The following WDR75 variants were observed in gnomAD, a reference collection of about 807,000 sequenced individuals.
WDR75 encodes WD repeat domain 75, also known as WD repeat-containing protein 75.
In WDR75, 52 loss-of-function variants were observed where a neutral mutation model predicts 106.1. The ratio of observed to expected loss-of-function variants is 0.49; its 90% CI spans 0.39 to 0.62. WDR75 has a LOEUF of 0.62. Ranked by LOEUF, WDR75 falls within the 20% of genes least tolerant of loss-of-function variation. The pLI, the probability that WDR75 is intolerant of heterozygous loss-of-function variation, is 0.00. For missense variants in WDR75, 905 were observed against 970.3 expected (o/e 0.93, Z 0.89); for synonymous variants, 333 against 335.5 (o/e 0.99, Z 0.08).
intron 17 of WDR75, 98 bp downstream of exon 17, chr2:189,470,343 C>T: frequency 5.3e-6 from 7 of 1,332,662 alleles, no homozygotes; most frequent in Non-Finnish European, 7.2e-6. Flanking sequence ...GGTGAAACAG[C>T]TTCATTAAAG....
At chr2:189,468,637 TTTAGGAC>T in intron 15 of WDR75, 68 bp downstream of exon 15, 1 of 1,513,058 alleles carries the variant, frequency 6.6e-7, no homozygotes, top group East Asian at 2.3e-5. Context: ...ACTTTGGCAT[TTTAGGAC>T]TTAGGGATCA....
chr2:189,447,260 G>T (rs554471957), intron 1 of WDR75, among the ~76,000 whole-genome samples: 15 of 152,312 alleles, frequency 9.8e-5, no homozygotes, highest in Admixed American at 5.9e-4. Flanking sequence ...TGATAATATC[G>T]TGAAAGTAGT....
chr2:189,472,846 T>A (rs1053779624), intron 18 of WDR75, among the ~76,000 whole-genome samples: 1 of 152,156 alleles, frequency 6.6e-6, no homozygotes, highest in African/African-American at 2.4e-5. Flanking sequence ...GCCTTACTGA[T>A]AACAGTTATT....
Position 189,466,553 on chromosome 2 carries a change from G to A in WDR75, c.1418G>A (p.Trp473Ter). 1 of 1,612,792 alleles carries A rather than the reference G, an allele frequency of 6.2e-7. No homozygotes were observed. The highest frequency in any genetic ancestry group is 8.5e-7 in the Non-Finnish European group (1 of 1,179,226). The change falls in exon 13 of 21, where the codon TGG (tryptophan) becomes TAG (stop). Residue 473 changes from tryptophan to a stop codon, truncating the protein, a stop_gained. Coordinates refer to ENST00000314761, the MANE Select transcript of WDR75 (RefSeq NM_032168.3). LOFTEE classifies it high-confidence loss of function. ...AGCAAAGATGGTTACTTCAAAGTAT[G>A]GATATTAACAGATGACTCTGACATA... ...TASKDGYFKV[W>*]ILTDDSDIYK...
intron 19 of WDR75, 121 bp downstream of exon 19, chr2:189,474,453 A>G (rs902378276): frequency 8.4e-7 from 1 of 1,188,608 alleles, no homozygotes; most frequent in African/African-American, 1.5e-5. Context: ...CAAACTAAAT[A>G]ACTAACAACA....
In WDR75 at chr2:189,465,161, G is replaced by A. The variant is rs1294453887; in HGVS notation, c.1196G>A (p.Gly399Asp). ...ELTKAAFGCF[G>D]NWLATVEQRQ... The stretch of plus-strand genomic sequence containing the variant: ...ACAAAGGCTGCATTTGGCTGCTTTG[G>A]TAACTGGCTTGCAACAGTGGAACAG... The change falls in exon 12 of 21, where the codon GGT (glycine) becomes GAT (aspartate). Residue 399 changes from glycine (G) to aspartate (D), a missense_variant. By Grantham distance (94) the Gly-to-Asp change is moderately conservative. Coordinates refer to ENST00000314761, the MANE Select transcript of WDR75 (RefSeq NM_032168.3). 1 of 1,613,182 alleles carries A rather than the reference G, an allele frequency of 6.2e-7. No homozygotes were observed. Among genetic ancestry groups the A allele is most frequent in the East Asian group, 2.2e-5 (1 of 44,844 alleles).
At chr2:189,450,286 A>G (rs1273325355) in intron 2 of WDR75, 4 of 985,526 alleles carry the variant, frequency 4.1e-6, no homozygotes, top group Non-Finnish European at 4.8e-6. Context: ...AGTTTGGCTA[A>G]TAAAACTGAG....
At chr2:189,448,734 C>G (rs967019384) in intron 2 of WDR75, 5 of 638,508 alleles carry the variant, frequency 7.8e-6, no homozygotes, top group Admixed American at 2.1e-5. Context: ...ATATTCTTGG[C>G]TGTATGAGTT....
chr2:189,468,345 T>C (rs1471537634), intron 14 of WDR75, 130 bp from the exon 15 acceptor site: 4 of 751,726 alleles, frequency 5.3e-6, no homozygotes, highest in African/African-American at 1.8e-5. Flanking sequence ...TTCAGGATAA[T>C]TATAAACAAA....
intron 6 of WDR75, among the ~76,000 whole-genome samples, chr2:189,457,647 G>A (rs1686767619): frequency 6.6e-6 from 1 of 152,178 alleles, no homozygotes; most frequent in African/African-American, 2.4e-5. Flanking sequence ...GTTGGATGTA[G>A]TTTGACAGGG....
intron 11 of WDR75, among the ~76,000 whole-genome samples, chr2:189,464,391 T>C (rs932682672): frequency 6.6e-6 from 1 of 152,144 alleles, no homozygotes; most frequent in African/African-American, 2.4e-5. Context: ...ATAAGTCCAA[T>C]CCAGATGTCC....
At chr2:189,472,184 TAAA>T (rs1687131315) in intron 18 of WDR75, among the ~76,000 whole-genome samples, 1 of 152,186 alleles carries the variant, frequency 6.6e-6, no homozygotes, top group Non-Finnish European at 1.5e-5. Flanking sequence ...ATAGAGACAG[TAAA>T]CAACATGCAT....
intron 12 of WDR75, 72 bp downstream of exon 12, chr2:189,465,326 G>T (rs1019988741): frequency 2.8e-6 from 4 of 1,434,212 alleles, no homozygotes; most frequent in Non-Finnish European, 3.7e-6. Flanking sequence ...AGTTTCAATT[G>T]TCTTTAAGAT....
chr2:189,446,934 A>C (rs1344662901), intron 1 of WDR75, among the ~76,000 whole-genome samples: 3 of 152,212 alleles, frequency 2.0e-5, no homozygotes, highest in Non-Finnish European at 4.4e-5. Context: ...GCAATAGTGG[A>C]TAGGATAAAC....
At chr2:189,461,347 G>C (rs1204719853) in intron 8 of WDR75, among the ~76,000 whole-genome samples, 2 of 152,186 alleles carry the variant, frequency 1.3e-5, no homozygotes, top group African/African-American at 4.8e-5. Flanking sequence ...ACATTTGACT[G>C]GTGGCTACCG....
intron 1 of WDR75, among the ~76,000 whole-genome samples, 183 bp downstream of exon 1, chr2:189,441,761 G>A (rs1686371526): frequency 6.6e-6 from 1 of 152,192 alleles, no homozygotes; most frequent in Non-Finnish European, 1.5e-5. Flanking sequence ...TGCAGATTGG[G>A]TTGCGTCCCC....
intron 1 of WDR75, among the ~76,000 whole-genome samples, chr2:189,442,442 C>A (rs200174285): frequency 1.8e-4 from 13 of 73,956 alleles, no homozygotes; most frequent in African/African-American, 7.2e-4. Flanking sequence ...CCACAATATT[C>A]TTTTTTTTTT....
intron 4 of WDR75, 38 bp downstream of exon 4, chr2:189,451,933 G>A: frequency 6.6e-7 from 1 of 1,505,642 alleles, no homozygotes; most frequent in Non-Finnish European, 9.1e-7. Context: ...GGCATTGAGT[G>A]GCTCTTTACA....
chr2:189,442,393 A>G (rs1686394436), intron 1 of WDR75, among the ~76,000 whole-genome samples: 2 of 151,038 alleles, frequency 1.3e-5, no homozygotes, highest in South Asian at 4.2e-4. Context: ...TTTCTGCCTT[A>G]GAAGAGTAGA....
Sources: gnomAD v4.1 joint callset for allele counts (sites outside exome capture counted in the v4.1 genomes callset) on GRCh38, gnomAD v4.1.1 for gene constraint, MANE v1.5 for transcripts, NCBI Gene and HGNC (gene_info 2026-07-23, HGNC 2026-07-21) for gene names.